ARHGEF9: variants seen among roughly 807,000 people sequenced by gnomAD.
ARHGEF9 encodes the protein rho guanine nucleotide exchange factor 9.
ARHGEF9 carries 2 observed loss-of-function variants against 41.3 expected under a neutral mutation model. The ratio of observed to expected loss-of-function variants is 0.05; its 90% CI spans 0.02 to 0.15. The LOEUF (loss-of-function observed/expected upper bound fraction) is 0.15, where lower values mean the gene tolerates loss of function less well. Among genes scored for constraint, ARHGEF9 ranks in the 10% least tolerant of loss-of-function variants. ARHGEF9 has a pLI of 1.00. For missense variants in ARHGEF9, 225 were observed against 424.7 expected, an observed-to-expected ratio of 0.53 and a Z score of 4.13; for synonymous variants, 160 against 154.4, an observed-to-expected ratio of 1.04 and a Z score of -0.27.
At chrX:63,775,476 C>T (rs1214636268) in intron 1 of ARHGEF9, among the ~76,000 whole-genome samples, 1 of 112,339 alleles carries the variant, frequency 8.9e-6, no homozygotes, top group Non-Finnish European at 1.9e-5. Flanking sequence ...ACATATACAC[C>T]ATGGAATACT....
chrX:63,654,971 G>A (rs1403434555), intron 8 of ARHGEF9, among the ~76,000 whole-genome samples: 1 of 112,464 alleles, frequency 8.9e-6, no homozygotes, highest in Non-Finnish European at 1.9e-5. Flanking sequence ...GTATGTTTCA[G>A]TGTGATTTGA....
Position 63,785,174 on chromosome X carries a change from G to T in ARHGEF9, c.-29C>A, listed in dbSNP as rs1234484699. 8.6e-7 allele frequency: 1 copy of T among 1,159,827 alleles called. No homozygotes were observed. Among genetic ancestry groups the T allele is most frequent in the Non-Finnish European group, 1.2e-6 (1 of 869,128 alleles). The stretch of plus-strand genomic sequence containing the variant: ...GCTTGCGAAGTCCGGCTTCTCTGAG[G>T]CCCCGTAGCTGGCGCGAGTTGTCGC... On this transcript the variant is annotated 5_prime_UTR_variant, in exon 1 of 10. Transcript: ENST00000671741.
intron 1 of ARHGEF9, among the ~76,000 whole-genome samples, chrX:63,738,278 A>C (rs2054735553): frequency 8.9e-6 from 1 of 112,564 alleles, no homozygotes; most frequent in Admixed American, 9.4e-5. Context: ...CATCCACATA[A>C]CATTTTTCTG....
intron 1 of ARHGEF9, among the ~76,000 whole-genome samples, chrX:63,777,022 C>T (rs2056304818): frequency 8.9e-6 from 1 of 111,884 alleles, no homozygotes; most frequent in South Asian, 3.7e-4. Context: ...AGAAACACTG[C>T]TCTATTTTGC....
intron 1 of ARHGEF9, among the ~76,000 whole-genome samples, chrX:63,783,273 A>ATT (rs782452167): frequency 1.0e-4 from 10 of 96,503 alleles, no homozygotes; most frequent in Non-Finnish European, 1.5e-4. Context: ...TTTTCGGGTA[A>ATT]TTTTTTTTTT....
At chrX:63,647,285 C>G (rs1204454290) in intron 8 of ARHGEF9, among the ~76,000 whole-genome samples, 21 of 111,823 alleles carry the variant, frequency 1.9e-4, no homozygotes, top group Non-Finnish European at 2.8e-4. Flanking sequence ...GGAATGGTGA[C>G]AGAGGGCATC....
chrX:63,692,962 G>A (rs1556383135), intron 4 of ARHGEF9, among the ~76,000 whole-genome samples: 1 of 111,759 alleles, frequency 8.9e-6, no homozygotes, highest in Non-Finnish European at 1.9e-5. Context: ...GGCACAGAAA[G>A]ACAAATATCA....
In ARHGEF9 at chrX:63,743,121, T is replaced by C. The variant is rs1422163218; in HGVS notation, c.31-18410A>G. On this transcript the variant is annotated intron_variant, in intron 1 of 9. Coordinates refer to ENST00000671741, the MANE Select transcript of ARHGEF9 (RefSeq NM_001353921.2). ...CATGGTGGCGTGCAGGAGAATTGCTTGAACCTGGGAGGCGGAGGTTGCAGT... is the reference window on the plus strand; with the variant it reads ...CATGGTGGCGTGCAGGAGAATTGCTCGAACCTGGGAGGCGGAGGTTGCAGT... 3.0e-4 allele frequency among the ~76,000 whole-genome samples: 34 copies of C among 111,530 alleles called. 1 individual carries two copies. In the Admixed American group the frequency reaches 3.2e-3, roughly 11 times the overall value.
intron 9 of ARHGEF9, 134 bp from the exon 10 acceptor site, chrX:63,638,343 C>T: frequency 1.7e-6 from 1 of 591,369 alleles, no homozygotes; most frequent in Non-Finnish European, 2.8e-6. Context: ...TTTTACAAAT[C>T]ATCCAAGGGG....
At chrX:63,647,346 G>A (rs371425960) in intron 8 of ARHGEF9, among the ~76,000 whole-genome samples, 24 of 111,619 alleles carry the variant, frequency 2.2e-4, no homozygotes, top group Admixed American at 1.4e-3. Context: ...TTGCCCATTC[G>A]GTATGATATC....
chrX:63,662,003 GC>G (rs1377798239), intron 7 of ARHGEF9, among the ~76,000 whole-genome samples: 1 of 111,737 alleles, frequency 8.9e-6, no homozygotes, highest in African/African-American at 3.3e-5. Context: ...TAATAATCTA[GC>G]CCATATTTGG....
intron 2 of ARHGEF9, among the ~76,000 whole-genome samples, chrX:63,716,425 C>A (rs1426412107): frequency 9.0e-6 from 1 of 111,465 alleles, no homozygotes; most frequent in Non-Finnish European, 1.9e-5. Context: ...ACTAAAGTGA[C>A]AGAGCTTTGG....
At chrX:63,661,838 C>G (rs1435854809) in intron 7 of ARHGEF9, among the ~76,000 whole-genome samples, 1 of 111,646 alleles carries the variant, frequency 9.0e-6, no homozygotes, top group African/African-American at 3.3e-5. Flanking sequence ...GTGGATTAGT[C>G]AATCCCAATT....
chrX:63,770,106 G>A lies in ARHGEF9; in HGVS notation c.30+15010C>T, dbSNP rs548888540. Among the ~76,000 whole-genome samples, 37 of 112,202 alleles carry A rather than the reference G, an allele frequency of 3.3e-4. 1 individual carries two copies. The South Asian group carries it at 0.012, about 35-fold the overall frequency. On this transcript the variant is annotated intron_variant, in intron 1 of 9. Coordinates refer to ENST00000671741, the MANE Select transcript of ARHGEF9 (RefSeq NM_001353921.2). Reference sequence around the variant, plus strand: ...AACCCGTGAAGGCAGCCAGGAGGGAGGCTGTTCCCTGCAAAGCCACAGGGG... The same window carrying A: ...AACCCGTGAAGGCAGCCAGGAGGGAAGCTGTTCCCTGCAAAGCCACAGGGG...
intron 8 of ARHGEF9, among the ~76,000 whole-genome samples, chrX:63,647,400 G>T (rs781921101): frequency 4.5e-5 from 5 of 111,560 alleles, no homozygotes; most frequent in Admixed American, 9.5e-5. Context: ...TTTGAAATAC[G>T]TCCCATCAGT....
At chrX:63,649,027 C>T (rs1178181166) in intron 8 of ARHGEF9, among the ~76,000 whole-genome samples, 34 of 111,361 alleles carry the variant, frequency 3.1e-4, no homozygotes, top group African/African-American at 1.1e-3. Flanking sequence ...CCACTGTCAA[C>T]ATTAGACAGA....
chrX:63,737,373 T>C (rs1452325018), intron 1 of ARHGEF9, among the ~76,000 whole-genome samples: 1 of 112,289 alleles, frequency 8.9e-6, no homozygotes, highest in Non-Finnish European at 1.9e-5. Context: ...AATGGAAAGT[T>C]GAGGTCATCT....
intron 1 of ARHGEF9, among the ~76,000 whole-genome samples, chrX:63,757,628 T>C (rs1300938562): frequency 1.8e-5 from 2 of 111,458 alleles, no homozygotes; most frequent in Non-Finnish European, 3.8e-5. Context: ...CTCTCATTTG[T>C]CCCTTTCTCT....
At chrX:63,766,739 T>A (rs1556451953) in intron 1 of ARHGEF9, 1 of 181,583 alleles carries the variant, frequency 5.5e-6, no homozygotes, top group African/African-American at 3.0e-5. Context: ...ACCTGCATTT[T>A]CCTCACTAAA....
Sources: allele counts gnomAD v4.1 joint callset (sites outside exome capture counted in the v4.1 genomes callset), GRCh38; gene constraint gnomAD v4.1.1; transcripts MANE v1.5; gene names NCBI Gene and HGNC (gene_info 2026-07-23, HGNC 2026-07-21).